Variants in PIP5K1B observed in about 807,000 individuals in gnomAD.
PIP5K1B encodes the protein phosphatidylinositol-4-phosphate 5-kinase type 1 beta, also known as phosphatidylinositol 4-phosphate 5-kinase type-1 beta.
Under a neutral mutation model 67.0 loss-of-function variants are expected in PIP5K1B, and 42 were observed. That is an observed-to-expected ratio of 0.63 (90% CI 0.49 to 0.81). The LOEUF (loss-of-function observed/expected upper bound fraction) is 0.81. Ranked by LOEUF, PIP5K1B falls within the 30% of genes least tolerant of loss-of-function variation. The pLI is 0.00. For missense variants in PIP5K1B, 459 were observed against 646.3 expected (o/e 0.71, Z 3.14); for synonymous variants, 214 against 231.4 (o/e 0.92, Z 0.68).
intron 1 of PIP5K1B, among the ~76,000 whole-genome samples, chr9:68,719,874 A>G (rs1038692398): frequency 2.6e-5 from 4 of 152,236 alleles, no homozygotes; most frequent in African/African-American, 9.6e-5. Flanking sequence ...AGTCTTTTCC[A>G]CATATGTCAA....
rs372162088 is a variant in PIP5K1B, at chr9:68,888,027, G to A, written c.319-954G>A. Among the ~76,000 whole-genome samples, 3 of 150,400 alleles carry A rather than the reference G, an allele frequency of 2.0e-5. No individual in the cohort carries two copies. In the South Asian group the frequency reaches 6.4e-4, roughly 32 times the overall value. The stretch of plus-strand genomic sequence containing the variant: ...AGAGTCTCGCTCTGTCGCCCAGGCT[G>A]GAGTGCAATGGTGTGATCTTGACTC... On this transcript the variant is annotated intron_variant, in intron 6 of 15. Transcript: ENST00000265382.
intron 15 of PIP5K1B, among the ~76,000 whole-genome samples, chr9:68,995,572 G>A (rs773038633): frequency 3.3e-5 from 5 of 152,120 alleles, no homozygotes; most frequent in Non-Finnish European, 5.9e-5. Flanking sequence ...TTGGGAGGCC[G>A]AGGCGGGCAG....
In PIP5K1B at chr9:69,008,552, C is replaced by T. The variant is rs1831192063; in HGVS notation, c.*103C>T. The T allele has an allele frequency of 5.6e-6, 6 of 1,080,528 alleles. No individual in the cohort carries two copies. Among genetic ancestry groups the T allele is most frequent in the Non-Finnish European group, 8.6e-6 (6 of 695,842 alleles). 66.9% of individuals were successfully genotyped at this position (1,080,528 alleles called of 1,614,324 possible). A position where few individuals can be genotyped will look rare whatever the true frequency, so the allele number is the denominator to read the frequency against. ...TATCCACAGCAACTTGGCTGAGCCC[C>T]ACTACACACAGAGAAATCATCAACC... On this transcript the variant is annotated 3_prime_UTR_variant, in exon 16 of 16. Transcript: ENST00000265382.
At chr9:68,995,376 G>T (rs895781594) in intron 15 of PIP5K1B, among the ~76,000 whole-genome samples, 1 of 152,152 alleles carries the variant, frequency 6.6e-6, no homozygotes, top group Non-Finnish European at 1.5e-5. Context: ...AGAAAGTCCT[G>T]CACCATTAAC....
chr9:68,870,350 T>C (rs915287175), intron 5 of PIP5K1B, among the ~76,000 whole-genome samples: 7 of 152,338 alleles, frequency 4.6e-5, no homozygotes, highest in African/African-American at 1.7e-4. Context: ...CCTCGTCTTA[T>C]ACAATGCAGT....
intron 13 of PIP5K1B, among the ~76,000 whole-genome samples, chr9:68,940,344 T>G (rs1302041517): frequency 2.0e-5 from 3 of 152,182 alleles, no homozygotes; most frequent in Non-Finnish European, 4.4e-5. Context: ...CTCCTATGAG[T>G]TTTTTTATGC....
At chr9:68,745,131 G>T (rs1394321975) in intron 2 of PIP5K1B, among the ~76,000 whole-genome samples, 1 of 152,170 alleles carries the variant, frequency 6.6e-6, no homozygotes, top group Non-Finnish European at 1.5e-5. Flanking sequence ...CCCAAACAAG[G>T]TCACAGTGCC....
At chr9:68,772,170 G>A (rs966887526) in intron 2 of PIP5K1B, among the ~76,000 whole-genome samples, 15 of 152,184 alleles carry the variant, frequency 9.9e-5, no homozygotes, top group Non-Finnish European at 5.9e-5. Flanking sequence ...TGCAGCAGCA[G>A]CTTCAAACTT....
chr9:68,978,311 T>C (rs1309560904), intron 14 of PIP5K1B, among the ~76,000 whole-genome samples: 4 of 152,264 alleles, frequency 2.6e-5, no homozygotes, highest in Non-Finnish European at 5.9e-5. Context: ...ACTATCATTC[T>C]AGTCTCTGCT....
intron 12 of PIP5K1B, among the ~76,000 whole-genome samples, chr9:68,931,739 G>C (rs572534727): frequency 6.6e-6 from 1 of 152,334 alleles, no homozygotes; most frequent in Admixed American, 6.5e-5. Flanking sequence ...GCTGAAAAGT[G>C]AACATGGAGG....
chr9:68,711,687 A>T (rs1426609389), intron 1 of PIP5K1B, among the ~76,000 whole-genome samples: 1 of 152,188 alleles, frequency 6.6e-6, no homozygotes, highest in Non-Finnish European at 1.5e-5. Context: ...TTAAATCATA[A>T]ATTATATTTA....
chr9:68,787,768 G>A (rs978196467), intron 2 of PIP5K1B, among the ~76,000 whole-genome samples: 4 of 152,100 alleles, frequency 2.6e-5, no homozygotes, highest in African/African-American at 9.7e-5. Context: ...GAGTAGTAGG[G>A]ACTACAGGCA....
At chr9:68,840,799 T>A (rs1179289425) in intron 4 of PIP5K1B, among the ~76,000 whole-genome samples, 1 of 152,232 alleles carries the variant, frequency 6.6e-6, no homozygotes. Context: ...TCATCAACCT[T>A]GATCGTATTT....
intron 1 of PIP5K1B, among the ~76,000 whole-genome samples, chr9:68,721,578 T>C (rs1827884347): frequency 6.6e-6 from 1 of 152,106 alleles, no homozygotes; most frequent in African/African-American, 2.4e-5. Context: ...GCATTTGAGA[T>C]ACCTGGGGGC....
At position 68,812,800 on chromosome 9, in the gene PIP5K1B, G is replaced by A. The variant is rs1564154675; in HGVS notation, c.-85-5661G>A. Among the ~76,000 whole-genome samples, 4 of 152,318 alleles carry A rather than the reference G, an allele frequency of 2.6e-5. No homozygotes were observed. The South Asian group carries it at 8.3e-4, about 32-fold the overall frequency. On this transcript the variant is annotated intron_variant, in intron 2 of 15. Coordinates refer to ENST00000265382, the MANE Select transcript of PIP5K1B (RefSeq NM_003558.4). ...TGAGATAACCTAAATTCTATTTGTG[G>A]TTTAAGTCAGGTTATCACATAGCTT...
intron 2 of PIP5K1B, among the ~76,000 whole-genome samples, chr9:68,773,812 G>A (rs1159743844): frequency 1.3e-5 from 2 of 152,204 alleles, no homozygotes; most frequent in African/African-American, 4.8e-5. Context: ...CATAGAGGGT[G>A]TCTGTACTTA....
intron 4 of PIP5K1B, among the ~76,000 whole-genome samples, chr9:68,848,053 C>G (rs766535049): frequency 2.0e-5 from 3 of 152,280 alleles, no homozygotes; most frequent in Admixed American, 6.5e-5. Context: ...CACCTCCTCA[C>G]TGTGTAGCCT....
Position 68,822,626 on chromosome 9 carries a change from T to A in PIP5K1B, c.12T>A (p.Ala4=), listed in dbSNP as rs1381686256. 6.2e-7 allele frequency: 1 copy of A among 1,613,068 alleles called. No individual in the cohort carries two copies. Among genetic ancestry groups the A allele is most frequent in the South Asian group, 1.1e-5 (1 of 90,978 alleles). The change falls in exon 4 of 16, where the codon GCT becomes GCA. Residue 4 remains alanine (A), a synonymous_variant. Coordinates refer to ENST00000265382, the MANE Select transcript of PIP5K1B (RefSeq NM_003558.4). ...TGTTTCTCTTGTAGATGTCTTCTGC[T>A]GCTGAAAATGGAGAGGCAGCACCTG... MSS[A]AENGEAAPGK... is the part of the protein sequence containing the mutation.
At chr9:68,808,962 A>G (rs1488624256) in intron 2 of PIP5K1B, among the ~76,000 whole-genome samples, 1 of 152,198 alleles carries the variant, frequency 6.6e-6, no homozygotes, top group Middle Eastern at 3.2e-3. Context: ...AAGACACCAT[A>G]GTTCTATTTT....
Sources: allele counts gnomAD v4.1 joint callset (sites outside exome capture counted in the v4.1 genomes callset), GRCh38; gene constraint gnomAD v4.1.1; transcripts MANE v1.5; gene names NCBI Gene and HGNC (gene_info 2026-07-23, HGNC 2026-07-21).